The following TMC7 variants were observed in gnomAD, a reference collection of about 807,000 sequenced individuals.
TMC7 encodes transmembrane channel-like protein 7.
In TMC7, 54 loss-of-function variants were observed where a neutral mutation model predicts 82.9. The observed-to-expected ratio is 0.65, with a 90% CI of 0.52 to 0.82. The LOEUF (loss-of-function observed/expected upper bound fraction) is 0.82. Among genes scored for constraint, TMC7 ranks in the 40% least tolerant of loss-of-function variants. TMC7 has a pLI of 0.00. For missense variants in TMC7, 820 were observed against 901.2 expected, an observed-to-expected ratio of 0.91 and a Z score of 1.15; for synonymous variants, 350 against 337.9, an observed-to-expected ratio of 1.04 and a Z score of -0.39.
At chr16:18,990,771 G>T (rs2038937171) in intron 1 of TMC7, among the ~76,000 whole-genome samples, 1 of 152,128 alleles carries the variant, frequency 6.6e-6, no homozygotes, top group African/African-American at 2.4e-5. Flanking sequence ...TCTTAAGGGT[G>T]GGGGAGATTA....
intron 1 of TMC7, among the ~76,000 whole-genome samples, chr16:18,993,090 G>C (rs1365620381): frequency 6.6e-6 from 1 of 152,184 alleles, no homozygotes; most frequent in Non-Finnish European, 1.5e-5. Context: ...AAGGATTAGA[G>C]ATGGCTAGGA....
intron 6 of TMC7, 132 bp from the exon 7 acceptor site, chr16:19,035,544 C>T (rs1191756885): frequency 5.8e-6 from 6 of 1,031,384 alleles, no homozygotes; most frequent in African/African-American, 1.6e-5. Flanking sequence ...TAGAATGGCC[C>T]CAAACTTGAC....
At chr16:19,039,147 G>C (rs1960895617) in intron 8 of TMC7, among the ~76,000 whole-genome samples, 1 of 146,406 alleles carries the variant, frequency 6.8e-6, no homozygotes, top group South Asian at 2.1e-4. Flanking sequence ...CTGGAGTGCA[G>C]TGGCACGATC....
At position 19,014,042 on chromosome 16, in the gene TMC7, G is replaced by A. The variant is rs150025563; in HGVS notation, c.312-2408G>A. 3.5e-3 allele frequency among the ~76,000 whole-genome samples: 524 copies of A among 151,202 alleles called. 1 individual carries two copies. The highest frequency in any genetic ancestry group is 5.2e-3 in the Non-Finnish European group (351 of 67,772). ...CTAATTTTTTTGTATTTTTTATTTT[G>A]TTTTTAGTAGAGATGGGGTTTCACC... is the stretch of plus-strand genomic sequence containing the variant. On this transcript the variant is annotated intron_variant, in intron 2 of 15. Transcript: ENST00000304381.
chr16:19,046,078 A>T (rs1961261876), intron 11 of TMC7, among the ~76,000 whole-genome samples: 1 of 152,152 alleles, frequency 6.6e-6, no homozygotes, highest in South Asian at 2.1e-4. Context: ...AGCATTCATT[A>T]GTTGCCCATC....
intron 1 of TMC7, among the ~76,000 whole-genome samples, chr16:19,006,333 C>T (rs1383338916): frequency 1.3e-5 from 2 of 152,060 alleles, no homozygotes; most frequent in Non-Finnish European, 2.9e-5. Context: ...TACAGGCACG[C>T]GCTAGCGTGC....
chr16:19,016,528 G>C lies in TMC7; in HGVS notation c.390G>C (p.Arg130Ser). 1 of 1,614,166 alleles carries C rather than the reference G, an allele frequency of 6.2e-7. No individual in the cohort carries two copies. The highest frequency in any genetic ancestry group is 2.2e-5 in the East Asian group (1 of 44,884). ...WKRYSSKSWK[R>S]FLEKAREMTT... ...GGTATAGCAGCAAGTCTTGGAAGAGGTTCCTAGAGAAGGCTCGAGAGATGA... is the reference window on the plus strand; with the variant it reads ...GGTATAGCAGCAAGTCTTGGAAGAGCTTCCTAGAGAAGGCTCGAGAGATGA... The change falls in exon 3 of 16, where the codon AGG (arginine) becomes AGC (serine). Residue 130 changes from arginine to serine, a missense_variant. Coordinates refer to ENST00000304381, the MANE Select transcript of TMC7 (RefSeq NM_024847.4).
intron 5 of TMC7, among the ~76,000 whole-genome samples, chr16:19,027,087 T>TTTTAAAG (rs71143821): frequency 7.2e-6 from 1 of 139,678 alleles, no homozygotes; most frequent in Non-Finnish European, 1.6e-5. Flanking sequence ...TTTTTTTTTT[T>TTTTAAAG]AAAGACAGAG....
intron 7 of TMC7, 39 bp downstream of exon 7, chr16:19,035,862 C>T (rs984337953): frequency 6.5e-7 from 1 of 1,531,742 alleles, no homozygotes. Context: ...GGGTCCTCAC[C>T]AGCAAGGTCC....
At chr16:19,003,321 AT>A (rs1174240647) in intron 1 of TMC7, among the ~76,000 whole-genome samples, 4 of 152,234 alleles carry the variant, frequency 2.6e-5, no homozygotes, top group East Asian at 3.9e-4. Context: ...CTCAAAAAAA[AT>A]AAAAAATACC....
intron 1 of TMC7, among the ~76,000 whole-genome samples, chr16:18,992,293 C>T (rs1159789384): frequency 3.3e-5 from 5 of 152,172 alleles, no homozygotes. Flanking sequence ...GCCATTCTAA[C>T]TGGTGTGAGA....
chr16:19,050,439 T>C (rs1470937753), intron 12 of TMC7, among the ~76,000 whole-genome samples: 1 of 151,854 alleles, frequency 6.6e-6, no homozygotes, highest in East Asian at 1.9e-4. Context: ...TACGGAGTTT[T>C]GAAATCTACC....
At chr16:18,998,350 G>C (rs916935985) in intron 1 of TMC7, among the ~76,000 whole-genome samples, 9 of 152,184 alleles carry the variant, frequency 5.9e-5, no homozygotes, top group African/African-American at 2.2e-4. Flanking sequence ...ATCCAGGCAG[G>C]GTGGGTTGGG....
intron 1 of TMC7, among the ~76,000 whole-genome samples, chr16:18,984,890 CA>C (rs529651493): frequency 8.5e-4 from 129 of 152,176 alleles, no homozygotes; most frequent in Non-Finnish European, 1.6e-3. Flanking sequence ...TTGTCCTGAA[CA>C]AAACACAAGA....
At chr16:19,008,648 C>G (rs904672040) in intron 1 of TMC7, among the ~76,000 whole-genome samples, 2 of 152,112 alleles carry the variant, frequency 1.3e-5, no homozygotes, top group Admixed American at 6.6e-5. Context: ...GGAGGCCAGC[C>G]CAGATCCCAT....
chr16:18,998,981 C>T (rs1054611587), intron 1 of TMC7, among the ~76,000 whole-genome samples: 1 of 152,168 alleles, frequency 6.6e-6, no homozygotes. Context: ...CTACCAGGGC[C>T]TCTGGCTCCT....
intron 3 of TMC7, among the ~76,000 whole-genome samples, chr16:19,018,739 C>G (rs1476901907): frequency 6.6e-6 from 1 of 151,910 alleles, no homozygotes; most frequent in Non-Finnish European, 1.5e-5. Context: ...AGTTTGTGAC[C>G]AGCCTGGGTA....
chr16:18,987,026 C>T (rs1382045689), intron 1 of TMC7, among the ~76,000 whole-genome samples: 1 of 152,058 alleles, frequency 6.6e-6, no homozygotes, highest in African/African-American at 2.4e-5. Flanking sequence ...AGGATGGTCT[C>T]GATCTCCTGA....
At chr16:19,008,317 T>C (rs141066183) in intron 1 of TMC7, among the ~76,000 whole-genome samples, 67 of 152,298 alleles carry the variant, frequency 4.4e-4, no homozygotes, top group Non-Finnish European at 6.5e-4. Flanking sequence ...TGGCCTGATA[T>C]AGAAACGATA....
Sources: allele counts gnomAD v4.1 joint callset (sites outside exome capture counted in the v4.1 genomes callset), GRCh38; gene constraint gnomAD v4.1.1; transcripts MANE v1.5; gene names NCBI Gene and HGNC (gene_info 2026-07-23, HGNC 2026-07-21).